Variants in TPM4 observed in about 807,000 individuals in gnomAD.
The protein encoded by TPM4 is tropomyosin alpha-4 chain.
Under a neutral mutation model 35.8 loss-of-function variants are expected in TPM4, and 17 were observed. The observed-to-expected ratio is 0.47, with a 90% CI of 0.32 to 0.71. The LOEUF (loss-of-function observed/expected upper bound fraction) is 0.71, where lower values mean the gene tolerates loss of function less well. Ranked by LOEUF, TPM4 falls within the 30% of genes least tolerant of loss-of-function variation. The pLI, the probability that TPM4 is intolerant of heterozygous loss-of-function variation, is 0.03. For synonymous variants in TPM4, 120 were observed against 122.9 expected, an observed-to-expected ratio of 0.98 and a Z score of 0.15; for missense variants, 240 against 320.9, an observed-to-expected ratio of 0.75 and a Z score of 1.93.
At position 16,070,884 on chromosome 19, in the gene TPM4, CT is replaced by C. The variant is rs1259271699; in HGVS notation, c.114+3147del. 1.3e-5 allele frequency among the ~76,000 whole-genome samples: 2 copies of C among 152,234 alleles called. No individual in the cohort carries two copies. Among genetic ancestry groups the C allele is most frequent in the Admixed American group, 6.5e-5 (1 of 15,284 alleles). On this transcript the variant is annotated intron_variant, in intron 2 of 2. Coordinates refer to the TPM4 transcript ENST00000589897. The surrounding 1 kb of genome is among the most constrained non-coding windows in gnomAD (Gnocchi z 7.4). ...TCCCTGGCAAACACAGACATTCATC[CT>C]GTGCTGGGCCAGCTTCTAGCCATCA...
At chr19:16,074,492 A>C (rs932610411), upstream of TPM4, 3 of 152,126 alleles carry the variant, frequency 2.0e-5, no homozygotes, top group Non-Finnish European at 2.9e-5. Flanking sequence ...TGGTGGGTCA[A>C]CCCTCATGAC....
At chr19:16,081,072 C>T (rs2090476875) in intron 1 of TPM4, 1 of 398,466 alleles carries the variant, frequency 2.5e-6, no homozygotes, top group Admixed American at 4.4e-5. Flanking sequence ...CTCGTCCCAC[C>T]TTGGTAATTG....
In TPM4 at chr19:16,076,532, C is replaced by T. The variant is rs2090408129; in HGVS notation, c.-34C>T. 2.8e-6 allele frequency: 4 copies of T among 1,411,258 alleles called. No homozygotes were observed. The highest frequency in any genetic ancestry group is 3.7e-6 in the Non-Finnish European group (4 of 1,086,722). 87.4% of individuals were successfully genotyped at this position (1,411,258 alleles called of 1,614,324 possible). ...CCGGAGCCGAGCCCAGCCGAGCGTCCGCCGCTGCCCGTGCGCCTCTGCGCC... is the reference window on the plus strand; with the variant it reads ...CCGGAGCCGAGCCCAGCCGAGCGTCTGCCGCTGCCCGTGCGCCTCTGCGCC... On this transcript the variant is annotated 5_prime_UTR_variant, in exon 1 of 8. Coordinates refer to ENST00000643579, the MANE Select transcript of TPM4 (RefSeq NM_003290.3).
At chr19:16,082,184 C>A in intron 2 of TPM4, 138 bp downstream of exon 2, 1 of 1,214,542 alleles carries the variant, frequency 8.2e-7, no homozygotes, top group Non-Finnish European at 1.1e-6. Context: ...TGCATGACAG[C>A]ACTTTGTAAA....
At chr19:16,076,957 G>C in intron 1 of TPM4, 2 of 627,184 alleles carry the variant, frequency 3.2e-6, no homozygotes, top group Non-Finnish European at 4.4e-6. Flanking sequence ...GGAAATGGGG[G>C]GATGGGGCGG....
rs1055315860 is a variant in TPM4 at position 16,070,487 on chromosome 19, A to G, written c.114+2749A>G. Among the ~76,000 whole-genome samples the G allele has an allele frequency of 6.7e-6, 1 of 149,394 alleles. No homozygotes were observed. Among genetic ancestry groups the G allele is most frequent in the African/African-American group, 2.4e-5 (1 of 41,316 alleles). ...CCGAGTGCCCAGCCCCACCCAGGCCAGGAGCCAGGCCAGCCCGGCAGCTAA... is the reference window on the plus strand; with the variant it reads ...CCGAGTGCCCAGCCCCACCCAGGCCGGGAGCCAGGCCAGCCCGGCAGCTAA... On this transcript the variant is annotated intron_variant, in intron 2 of 2. Transcript: ENST00000589897. The surrounding 1 kb of genome is among the most constrained non-coding windows in gnomAD (Gnocchi z 7.4).
At position 16,076,668 on chromosome 19, in the gene TPM4, C is replaced by T. The variant is rs1025940710; in HGVS notation, c.103C>T (p.Leu35=). The T allele has an allele frequency of 7.1e-7, 1 of 1,401,840 alleles. No homozygotes were observed. The highest frequency in any genetic ancestry group is 3.3e-5 in the Admixed American group (1 of 30,022). 86.8% of individuals were successfully genotyped at this position (1,401,840 alleles called of 1,614,324 possible). A position where few individuals can be genotyped will look rare whatever the true frequency, so the allele number is the denominator to read the frequency against. Residue 35 remains leucine (L), a synonymous_variant, in exon 1 of 8, where the codon CTG becomes TTG. Transcript: ENST00000643579. ...CCGCGCGCAGGGCCTGCAGCGGGAG[C>T]TGGACGGCGAGCGCGAGCGGCGCGA... The part of the protein sequence containing the change: ...EDRAQGLQRE[L]DGERERREKA...
intron 7 of TPM4, among the ~76,000 whole-genome samples, chr19:16,099,205 G>T (rs530570457): frequency 2.6e-4 from 39 of 152,042 alleles, no homozygotes; most frequent in African/African-American, 9.2e-4. Context: ...TCAGCCTCCT[G>T]TGTAGCTGGG....
At chr19:16,081,397 CTT>C (rs374854830) in intron 1 of TPM4, 293 of 136,368 alleles carry the variant, frequency 2.1e-3, no homozygotes, top group Non-Finnish European at 3.0e-3. Context: ...GGGACACTCG[CTT>C]TTTTTTTTTT....
rs1599367820 is a variant in TPM4, at chr19:16,080,741, A to T, written c.133-1172A>T. ...GCAGAATTGCTTGAACCCGGGAGGT[A>T]GAAGTTGCAGCAAGCCGAGATCATG... is the stretch of plus-strand genomic sequence containing the variant. On this transcript the variant is annotated intron_variant, in intron 1 of 7. Coordinates refer to ENST00000643579, the MANE Select transcript of TPM4 (RefSeq NM_003290.3). 2.0e-5 allele frequency: 6 copies of T among 293,998 alleles called. No individual in the cohort carries two copies. In the East Asian group the frequency reaches 3.0e-4, roughly 15 times the overall value. The allele number at this position is 293,998 out of a possible 1,614,324, so 18.2% of individuals were successfully genotyped here.
chr19:16,082,482 G>A (rs1273041653), intron 2 of TPM4, among the ~76,000 whole-genome samples: 3 of 152,224 alleles, frequency 2.0e-5, no homozygotes, highest in Non-Finnish European at 1.5e-5. Flanking sequence ...TTGCACTCCA[G>A]CCTGGGCAAC....
chr19:16,071,419 A>C (rs893104970), intron 2 of TPM4, among the ~76,000 whole-genome samples: 2 of 152,164 alleles, frequency 1.3e-5, no homozygotes, highest in African/African-American at 2.4e-5. Flanking sequence ...TCCTGGGCTC[A>C]AGTGATCCTT....
At chr19:16,069,338 G>C (rs111212011) in intron 2 of TPM4, among the ~76,000 whole-genome samples, 2 of 4,302 alleles carry the variant, frequency 4.6e-4, no homozygotes, top group African/African-American at 7.3e-4. Context: ...TGTGTGTATG[G>C]TTGTGTGTTT....
At chr19:16,068,079 G>A in intron 2 of TPM4, 1 of 385,292 alleles carries the variant, frequency 2.6e-6, no homozygotes, top group South Asian at 3.1e-5. Flanking sequence ...CATGCTGTGT[G>A]TGTGTATTTG....
At chr19:16,078,844 A>AAAC (rs2090445712) in intron 1 of TPM4, among the ~76,000 whole-genome samples, 1 of 151,768 alleles carries the variant, frequency 6.6e-6, no homozygotes. Context: ...AAAAAAAAAA[A>AAAC]AAAAACCTTT....
chr19:16,096,357 C>T lies in TPM4; in HGVS notation c.664+2604C>T, dbSNP rs143070339. Among the ~76,000 whole-genome samples the T allele has an allele frequency of 2.1e-3, 314 of 152,314 alleles. 1 individual carries two copies. The highest frequency in any genetic ancestry group is 7.1e-3 in the African/African-American group (296 of 41,576). On this transcript the variant is annotated intron_variant, in intron 7 of 7. Coordinates refer to ENST00000643579, the MANE Select transcript of TPM4 (RefSeq NM_003290.3). ...CTGCAATTACAGGCATGAGCCACCG[C>T]GCCCATCCCCAATGGTTTTTCCTTA...
chr19:16,098,196 A>T (rs1196772413), intron 7 of TPM4, among the ~76,000 whole-genome samples: 1 of 152,160 alleles, frequency 6.6e-6, no homozygotes, highest in Non-Finnish European at 1.5e-5. Context: ...TAATCCCAAC[A>T]CTTTGGGAGG....
chr19:16,088,983 G>A (rs1028686238), intron 4 of TPM4, 62 bp from the exon 5 acceptor site: 41 of 1,608,968 alleles, frequency 2.5e-5, no homozygotes, highest in South Asian at 2.2e-4. Context: ...TTGTTGGGGC[G>A]ATTGCTATTA....
At chr19:16,081,167 ATGAGCCGGGTCAC>A (rs930627862) in intron 1 of TPM4, 9 of 397,574 alleles carry the variant, frequency 2.3e-5, no homozygotes, top group African/African-American at 1.9e-4. Flanking sequence ...ACAGGACACA[ATGAGCCGGGTCAC>A]TGATGGCCTT....
Sources: allele counts gnomAD v4.1 joint callset (sites outside exome capture counted in the v4.1 genomes callset), GRCh38; gene constraint gnomAD v4.1.1; non-coding constraint Gnocchi (gnomAD v3.1); transcripts MANE v1.5; gene names NCBI Gene and HGNC (gene_info 2026-07-23, HGNC 2026-07-21).